The following PTPRN2 variants were observed in gnomAD, a reference collection of about 807,000 sequenced individuals.
PTPRN2 encodes protein tyrosine phosphatase receptor type N2, also known as receptor-type tyrosine-protein phosphatase N2.
A neutral mutation model predicts 118.8 loss-of-function variants in PTPRN2; 74 were observed. That is an observed-to-expected ratio of 0.62 (90% confidence interval 0.52 to 0.76). The LOEUF (loss-of-function observed/expected upper bound fraction) is 0.76. Among genes scored for constraint, PTPRN2 ranks in the 30% least tolerant of loss-of-function variants. PTPRN2 has a pLI of 0.00. For missense variants in PTPRN2, 1,481 were observed against 1,394.4 expected, an observed-to-expected ratio of 1.06 and a Z score of -0.99; for synonymous variants, 641 against 608.0, an observed-to-expected ratio of 1.05 and a Z score of -0.80.
At chr7:157,961,145 T>C (rs1801502014) in intron 11 of PTPRN2, among the ~76,000 whole-genome samples, 1 of 152,238 alleles carries the variant, frequency 6.6e-6, no homozygotes, top group Admixed American at 6.5e-5. Context: ...TCACAGTAGT[T>C]ATAGTTTATT....
chr7:158,581,154 G>A (rs984869375), intron 1 of PTPRN2, among the ~76,000 whole-genome samples: 1 of 151,450 alleles, frequency 6.6e-6, no homozygotes, highest in African/African-American at 2.4e-5. Flanking sequence ...TAGAATCCTC[G>A]GCCCATCCTG....
At chr7:158,023,232 C>T (rs1807027399) in intron 11 of PTPRN2, among the ~76,000 whole-genome samples, 1 of 152,096 alleles carries the variant, frequency 6.6e-6, no homozygotes, top group East Asian at 1.9e-4. Flanking sequence ...CAACATCTCG[C>T]TAAAGGAGGA....
chr7:157,998,954 G>C (rs919412450), intron 11 of PTPRN2, among the ~76,000 whole-genome samples: 22 of 152,028 alleles, frequency 1.4e-4, no homozygotes, highest in Non-Finnish European at 2.9e-4. Flanking sequence ...TGCGGGGTGC[G>C]AGGCATCCGG....
intron 4 of PTPRN2, among the ~76,000 whole-genome samples, chr7:158,203,323 A>T (rs1826812009): frequency 6.6e-6 from 1 of 152,066 alleles, no homozygotes; most frequent in Admixed American, 6.6e-5. Flanking sequence ...CCAATCTCAA[A>T]GCATATGTAT....
Position 157,591,257 on chromosome 7 carries a change from C to G in PTPRN2, c.2496+3981G>C, listed in dbSNP as rs920203145. 3.3e-5 allele frequency among the ~76,000 whole-genome samples: 5 copies of G among 152,196 alleles called. No homozygotes were observed. The highest frequency in any genetic ancestry group is 6.5e-5 in the Admixed American group (1 of 15,284). On this transcript the variant is annotated intron_variant, in intron 17 of 22. Coordinates refer to ENST00000389418, the MANE Select transcript of PTPRN2 (RefSeq NM_002847.5). This position sits in a 1 kb window ranked among gnomAD's most constrained non-coding sequence, Gnocchi z 4.4. ...CATCACGGCCTTTCTCACGCTCACACTTTCTTCCTGGAATTTGCTGATTAC... is the reference window on the plus strand; with the variant it reads ...CATCACGGCCTTTCTCACGCTCACAGTTTCTTCCTGGAATTTGCTGATTAC...
chr7:158,157,304 CAG>C (rs1821914715), intron 6 of PTPRN2, among the ~76,000 whole-genome samples: 2 of 150,436 alleles, frequency 1.3e-5, no homozygotes, highest in Non-Finnish European at 2.9e-5. Context: ...CCTAGTCAGA[CAG>C]AGGCAAATTT....
chr7:157,648,713 C>G (rs1170498428), intron 14 of PTPRN2, among the ~76,000 whole-genome samples: 6 of 136,510 alleles, frequency 4.4e-5, no homozygotes, highest in Non-Finnish European at 3.1e-5. Flanking sequence ...GACCCATTCA[C>G]TGTGCACTGA....
intron 14 of PTPRN2, among the ~76,000 whole-genome samples, chr7:157,649,121 C>G (rs1349920110): frequency 3.6e-5 from 4 of 111,610 alleles, no homozygotes; most frequent in Non-Finnish European, 3.7e-5. Context: ...GACCCATTCA[C>G]TGTGCACTGA....
At chr7:158,129,704 T>A (rs765999806) in intron 9 of PTPRN2, among the ~76,000 whole-genome samples, 13 of 152,190 alleles carry the variant, frequency 8.5e-5, no homozygotes, top group Admixed American at 3.3e-4. Context: ...TCGGTCATGA[T>A]AATGGTCTGC....
chr7:158,092,739 G>A (rs1235641458), intron 10 of PTPRN2, among the ~76,000 whole-genome samples: 1 of 152,120 alleles, frequency 6.6e-6, no homozygotes, highest in Non-Finnish European at 1.5e-5. Flanking sequence ...CATAATTTGA[G>A]GCCAGGTAAA....
chr7:158,263,092 T>G (rs1586032481), intron 3 of PTPRN2, among the ~76,000 whole-genome samples: 1 of 116,734 alleles, frequency 8.6e-6, no homozygotes, highest in East Asian at 2.6e-4. Context: ...ACCACACACA[T>G]TCACACACTG....
intron 2 of PTPRN2, among the ~76,000 whole-genome samples, chr7:158,456,037 C>T (rs1818458695): frequency 2.0e-5 from 3 of 151,004 alleles, no homozygotes; most frequent in Admixed American, 6.6e-5. Flanking sequence ...TCAGCCACAG[C>T]CCCCCATCGC....
chr7:158,256,342 A>G (rs982186592), intron 3 of PTPRN2, among the ~76,000 whole-genome samples: 3 of 152,206 alleles, frequency 2.0e-5, no homozygotes, highest in Non-Finnish European at 2.9e-5. Context: ...TGAGGGGGAC[A>G]AGAGGGCACC....
rs190542371 is a variant in PTPRN2 at position 157,977,534 on chromosome 7, G to A, written c.1724-78797C>T. On this transcript the variant is annotated intron_variant, in intron 11 of 22. Transcript: ENST00000389418. The surrounding 1 kb of genome is among the most constrained non-coding windows in gnomAD (Gnocchi z 4.6). Reference sequence around the variant, plus strand: ...CGTGCAAGGCCCCAGGTGGGATGACGTGAGTGTGTTCATGGAGTAGTGTAC... The same window carrying A: ...CGTGCAAGGCCCCAGGTGGGATGACATGAGTGTGTTCATGGAGTAGTGTAC... 2.6e-5 allele frequency among the ~76,000 whole-genome samples: 4 copies of A among 151,800 alleles called. No homozygotes were observed. Among genetic ancestry groups the A allele is most frequent in the East Asian group, 3.9e-4 (2 of 5,142 alleles).
At chr7:158,353,530 C>T (rs892301506) in intron 2 of PTPRN2, among the ~76,000 whole-genome samples, 6 of 152,286 alleles carry the variant, frequency 3.9e-5, no homozygotes, top group South Asian at 2.1e-4. Flanking sequence ...TGGTTCCAAA[C>T]GGCAGGACAG....
intron 6 of PTPRN2, among the ~76,000 whole-genome samples, chr7:158,142,170 G>A (rs73745147): frequency 0.1 from 15,738 of 152,214 alleles, 954 homozygotes; most frequent in African/African-American, 0.18. Context: ...CCCACTCCAC[G>A]CAGGCTTTCC....
At chr7:158,543,086 T>G (rs1237466382) in intron 1 of PTPRN2, among the ~76,000 whole-genome samples, 3 of 152,348 alleles carry the variant, frequency 2.0e-5, no homozygotes, top group Non-Finnish European at 2.9e-5. Context: ...ATGAATGCCT[T>G]TATCAGATTT....
chr7:158,193,758 T>C (rs1239905292), intron 4 of PTPRN2, among the ~76,000 whole-genome samples: 1 of 152,016 alleles, frequency 6.6e-6, no homozygotes, highest in African/African-American at 2.4e-5. Context: ...CGGAGGCCTT[T>C]GCTTTTTTGC....
At chr7:158,418,164 ACAT>A (rs1351313395) in intron 2 of PTPRN2, among the ~76,000 whole-genome samples, 1 of 151,230 alleles carries the variant, frequency 6.6e-6, no homozygotes, top group East Asian at 2.0e-4. Context: ...ATGGTGTACT[ACAT>A]CAAGATGCTC....
Sources: gnomAD v4.1 joint callset for allele counts (sites outside exome capture counted in the v4.1 genomes callset) on GRCh38, gnomAD v4.1.1 for gene constraint, Gnocchi (gnomAD v3.1) non-coding constraint, MANE v1.5 for transcripts, NCBI Gene and HGNC (gene_info 2026-07-23, HGNC 2026-07-21) for gene names.